Variants in CACNA2D1 observed in about 807,000 individuals in gnomAD.
The protein encoded by CACNA2D1 is voltage-dependent calcium channel subunit alpha-2/delta-1.
CACNA2D1 carries 53 observed loss-of-function variants against 171.5 expected under a neutral mutation model. The observed-to-expected ratio is 0.31, with a 90% CI of 0.25 to 0.39. The LOEUF is 0.39. Ranked by LOEUF, CACNA2D1 falls within the 10% of genes least tolerant of loss-of-function variation. The probability of loss-of-function intolerance (pLI) is 1.00; values close to 1 mark genes in which losing one functional copy is unlikely to be tolerated. For synonymous variants in CACNA2D1, 442 were observed against 443.1 expected (o/e 1.00, Z 0.03); for missense variants, 903 against 1,299.8 (o/e 0.69, Z 4.69).
In CACNA2D1 at chr7:81,971,680, TG is replaced by T. The variant is rs1218422755; in HGVS notation, c.2141+96del. Reference sequence around the variant, plus strand: ...CTTGAGAAATATTAAACATTATTAATGAACTGTAAATTTATGAGATTCATAC... The same window carrying T: ...CTTGAGAAATATTAAACATTATTAATAACTGTAAATTTATGAGATTCATAC... On this transcript the variant is annotated intron_variant, in intron 26 of 38. Transcript: ENST00000356860. 67 of 741,000 alleles carry T rather than the reference TG, an allele frequency of 9.0e-5. No homozygotes were observed. In the East Asian group the frequency reaches 1.8e-3, roughly 20 times the overall value. 45.9% of individuals were successfully genotyped at this position (741,000 alleles called of 1,614,324 possible).
intron 1 of CACNA2D1, among the ~76,000 whole-genome samples, chr7:82,415,604 G>C (rs1025894208): frequency 1.3e-5 from 2 of 151,916 alleles, no homozygotes; most frequent in Non-Finnish European, 2.9e-5. Flanking sequence ...ATGTATTCTC[G>C]CTCTGGTCAG....
rs961455522 is a variant in CACNA2D1, at chr7:82,443,689, C to A, written c.-230G>T. On this transcript the variant is annotated 5_prime_UTR_variant, in exon 1 of 39. It introduces an in-frame stop codon into an upstream open reading frame of the 5' UTR. Coordinates refer to ENST00000356860, the MANE Select transcript of CACNA2D1 (RefSeq NM_000722.4). The stretch of plus-strand genomic sequence containing the variant: ...ACCCACTAGCGTGCGTCGGCTGCTC[C>A]GCGCCGCGGCCGCCTTGCCTCCGCC... 1 of 1,236,936 alleles carries A rather than the reference C, an allele frequency of 8.1e-7. No homozygotes were observed. The allele number at this position is 1,236,936 out of a possible 1,614,324, so 76.6% of individuals were successfully genotyped here.
chr7:82,263,464 T>C (rs1213812199), intron 3 of CACNA2D1, among the ~76,000 whole-genome samples: 1 of 152,150 alleles, frequency 6.6e-6, no homozygotes, highest in Non-Finnish European at 1.5e-5. Flanking sequence ...CCTGTCTTGT[T>C]GTAGAAGTGT....
At chr7:82,037,316 T>C (rs1370752668) in intron 11 of CACNA2D1, among the ~76,000 whole-genome samples, 1 of 152,022 alleles carries the variant, frequency 6.6e-6, no homozygotes, top group Non-Finnish European at 1.5e-5. Flanking sequence ...CCGTCTCTAC[T>C]AAAAATACAA....
intron 1 of CACNA2D1, among the ~76,000 whole-genome samples, chr7:82,385,858 T>C (rs986042578): frequency 6.6e-6 from 1 of 152,012 alleles, no homozygotes; most frequent in East Asian, 1.9e-4. Flanking sequence ...AGAGACGGGG[T>C]TTCACCATGT....
intron 2 of CACNA2D1, among the ~76,000 whole-genome samples, chr7:82,339,656 C>G (rs548063832): frequency 3.3e-5 from 5 of 152,266 alleles, no homozygotes; most frequent in Non-Finnish European, 5.9e-5. Flanking sequence ...GCTCTCACCA[C>G]AAGATGACAG....
intron 4 of CACNA2D1, among the ~76,000 whole-genome samples, chr7:82,165,822 G>A (rs566135137): frequency 6.6e-6 from 1 of 152,006 alleles, no homozygotes; most frequent in Non-Finnish European, 1.5e-5. Context: ...TTTCAAGAGT[G>A]TTTCAACCAA....
Position 82,030,955 on chromosome 7 carries a change from A to G in CACNA2D1, c.1143+1842T>C, listed in dbSNP as rs1262729907. 5.9e-5 allele frequency among the ~76,000 whole-genome samples: 9 copies of G among 152,032 alleles called. No homozygotes were observed. In the South Asian group the frequency reaches 8.3e-4, roughly 14 times the overall value. ...AGCAGCATATTCCTTGCCCCCAGTT[A>G]TATTTTATAATTATAAATCTGTCCT... On this transcript the variant is annotated intron_variant, in intron 12 of 38. Transcript: ENST00000356860.
At chr7:82,151,296 T>C (rs1406735940) in intron 4 of CACNA2D1, among the ~76,000 whole-genome samples, 1 of 152,164 alleles carries the variant, frequency 6.6e-6, no homozygotes, top group Non-Finnish European at 1.5e-5. Context: ...AAATGCAATC[T>C]TTTCTTTTCT....
intron 1 of CACNA2D1, among the ~76,000 whole-genome samples, chr7:82,401,293 C>A (rs2129451821): frequency 6.6e-6 from 1 of 151,946 alleles, no homozygotes; most frequent in East Asian, 1.9e-4. Flanking sequence ...ATAGCAAAGA[C>A]TTGGAACCAA....
chr7:82,066,526 T>TG lies in CACNA2D1; in HGVS notation c.659-3_659-2insC. 6.9e-7 allele frequency: 1 copy of TG among 1,448,198 alleles called. No individual in the cohort carries two copies. The highest frequency in any genetic ancestry group is 1.4e-5 in the South Asian group (1 of 73,542). 89.7% of individuals were successfully genotyped at this position (1,448,198 alleles called of 1,614,324 possible). A position where few individuals can be genotyped will look rare whatever the true frequency, so the allele number is the denominator to read the frequency against. ...TACTATTATCAACCCATGGTGAAGC[T>TG]AAAAAAAAAAAAAAAAGAGAGATAT... On this transcript the variant is annotated splice_region_variant and splice_polypyrimidine_tract_variant and intron_variant, in intron 7 of 38. Transcript: ENST00000356860.
At chr7:82,059,607 G>A (rs748985369) in intron 10 of CACNA2D1, among the ~76,000 whole-genome samples, 6 of 151,950 alleles carry the variant, frequency 3.9e-5, no homozygotes, top group African/African-American at 1.4e-4. Flanking sequence ...AGGATATGTG[G>A]AATGCTTTTT....
Position 82,066,524 on chromosome 7 carries a change from GC to G in CACNA2D1, c.659-1del. 2 of 1,460,956 alleles carry G rather than the reference GC, an allele frequency of 1.4e-6. No individual in the cohort carries two copies. Among genetic ancestry groups the G allele is most frequent in the Admixed American group, 2.3e-5 (1 of 43,530 alleles). The allele number at this position is 1,460,956 out of a possible 1,614,324, so 90.5% of individuals were successfully genotyped here. A position where few individuals can be genotyped will look rare whatever the true frequency, so the allele number is the denominator to read the frequency against. On this transcript the variant is annotated splice_acceptor_variant, in intron 7 of 38. Coordinates refer to ENST00000356860, the MANE Select transcript of CACNA2D1 (RefSeq NM_000722.4). LOFTEE classifies it high-confidence loss of function. The stretch of plus-strand genomic sequence containing the variant: ...TCTACTATTATCAACCCATGGTGAA[GC>G]TAAAAAAAAAAAAAAAAGAGAGATA...
At chr7:82,278,256 C>T (rs1232790162) in intron 3 of CACNA2D1, among the ~76,000 whole-genome samples, 2 of 151,940 alleles carry the variant, frequency 1.3e-5, no homozygotes, top group African/African-American at 4.8e-5. Context: ...CACTGATTAC[C>T]TAATATACTT....
chr7:82,027,903 T>A (rs1454359581), intron 12 of CACNA2D1: 2 of 151,942 alleles, frequency 1.3e-5, no homozygotes, highest in Non-Finnish European at 2.9e-5. Flanking sequence ...AAAAAAGGCA[T>A]CTCTATAACA....
chr7:82,388,559 A>T (rs996085551), intron 1 of CACNA2D1, among the ~76,000 whole-genome samples: 2 of 152,214 alleles, frequency 1.3e-5, no homozygotes, highest in Non-Finnish European at 2.9e-5. Flanking sequence ...CAAGGGGGCA[A>T]AGGGCAAGCC....
chr7:82,290,718 T>A (rs1049030952), intron 3 of CACNA2D1, among the ~76,000 whole-genome samples: 4 of 151,622 alleles, frequency 2.6e-5, no homozygotes, highest in African/African-American at 9.7e-5. Context: ...TGCCTCAGCC[T>A]CCCGAGCAGC....
At chr7:82,392,426 C>A (rs772519364) in intron 1 of CACNA2D1, among the ~76,000 whole-genome samples, 1 of 152,152 alleles carries the variant, frequency 6.6e-6, no homozygotes, top group Non-Finnish European at 1.5e-5. Flanking sequence ...TCGGAGTAAC[C>A]TCATTTTTCT....
intron 3 of CACNA2D1, among the ~76,000 whole-genome samples, chr7:82,226,194 T>C (rs1463451102): frequency 6.6e-6 from 1 of 152,198 alleles, no homozygotes; most frequent in East Asian, 1.9e-4. Context: ...CAAAGACTCA[T>C]TGACTTTCAT....
Sources: allele counts gnomAD v4.1 joint callset (sites outside exome capture counted in the v4.1 genomes callset), GRCh38; gene constraint gnomAD v4.1.1; transcripts MANE v1.5; gene names NCBI Gene and HGNC (gene_info 2026-07-23, HGNC 2026-07-21).